Variants in SORCS1 observed in about 807,000 individuals in gnomAD.
SORCS1 encodes sortilin related VPS10 domain containing receptor 1.
A neutral mutation model predicts 146.1 loss-of-function variants in SORCS1; 60 were observed. The observed-to-expected ratio is 0.41, with a 90% confidence interval of 0.33 to 0.51. The LOEUF (loss-of-function observed/expected upper bound fraction) is 0.51. SORCS1 is among the 20% of genes least tolerant of loss of function. The pLI, the probability that SORCS1 is intolerant of heterozygous loss-of-function variation, is 0.21. For synonymous variants in SORCS1, 637 were observed against 584.0 expected (o/e 1.09, Z -1.31); for missense variants, 1,352 against 1,487.6 (o/e 0.91, Z 1.50).
chr10:106,905,336 C>A (rs931303730), intron 2 of SORCS1, among the ~76,000 whole-genome samples: 8 of 151,922 alleles, frequency 5.3e-5, no homozygotes, highest in African/African-American at 1.7e-4. Context: ...TAAATAGATT[C>A]CTCTTTTCAA....
chr10:106,667,416 T>C (rs2135434135), intron 17 of SORCS1: 1 of 351,498 alleles, frequency 2.8e-6, no homozygotes, highest in East Asian at 4.6e-5. Flanking sequence ...GAAAACAAAG[T>C]GTCGAGAAAA....
chr10:106,574,573 T>C lies in SORCS1; in HGVS notation c.*2847A>G, dbSNP rs1176769374. ...CACTGGGAGGGCTTGTTAAAATAGG[T>C]GGCTGGGCCCACTGTCACTTAGCAA... On this transcript the variant is annotated 3_prime_UTR_variant, in exon 26 of 26. Coordinates refer to ENST00000263054, the MANE Select transcript of SORCS1 (RefSeq NM_052918.5). 6.6e-6 allele frequency: 1 copy of C among 152,578 alleles called. No homozygotes were observed. The highest frequency in any genetic ancestry group is 2.4e-5 in the African/African-American group (1 of 41,428). The allele number at this position is 152,578 out of a possible 1,614,324, so 9.5% of individuals were successfully genotyped here.
At chr10:106,705,256 T>C (rs1028641888) in intron 8 of SORCS1, among the ~76,000 whole-genome samples, 2 of 152,206 alleles carry the variant, frequency 1.3e-5, no homozygotes, top group Non-Finnish European at 2.9e-5. Flanking sequence ...TCTTTCAAGT[T>C]AATAGTGCAA....
At chr10:106,929,999 C>A (rs1953315131) in intron 2 of SORCS1, among the ~76,000 whole-genome samples, 1 of 152,214 alleles carries the variant, frequency 6.6e-6, no homozygotes, top group African/African-American at 2.4e-5. Flanking sequence ...GTAATCCCAG[C>A]AGTTTGGGAG....
chr10:106,614,756 G>A (rs1450966619), intron 21 of SORCS1, among the ~76,000 whole-genome samples: 1 of 152,188 alleles, frequency 6.6e-6, no homozygotes. Flanking sequence ...GCATGGCAGG[G>A]AGGCAGAATG....
chr10:106,788,869 T>G (rs1946183698), intron 3 of SORCS1, among the ~76,000 whole-genome samples: 1 of 152,208 alleles, frequency 6.6e-6, no homozygotes, highest in Non-Finnish European at 1.5e-5. Context: ...GGGCACTCTG[T>G]GTGGGGGCAC....
At chr10:106,666,050 C>G (rs966995345) in intron 17 of SORCS1, among the ~76,000 whole-genome samples, 7 of 152,150 alleles carry the variant, frequency 4.6e-5, no homozygotes, top group African/African-American at 1.7e-4. Context: ...CCATGTTAGC[C>G]AGGATGGTCT....
chr10:107,134,420 C>G (rs1363525778), intron 1 of SORCS1, among the ~76,000 whole-genome samples: 2 of 152,108 alleles, frequency 1.3e-5, no homozygotes, highest in East Asian at 3.9e-4. Flanking sequence ...GGATGGATCA[C>G]GAGGTCAGGA....
At chr10:106,602,241 G>A (rs1846284927) in intron 23 of SORCS1, among the ~76,000 whole-genome samples, 1 of 152,138 alleles carries the variant, frequency 6.6e-6, no homozygotes. Context: ...AAGGTGGTAG[G>A]ATGAATGCAA....
chr10:106,830,563 C>CTT (rs1449930917), intron 2 of SORCS1, among the ~76,000 whole-genome samples: 2 of 134,852 alleles, frequency 1.5e-5, no homozygotes, highest in Non-Finnish European at 1.6e-5. Context: ...TATACCTCAG[C>CTT]TTTTTTTTTT....
At chr10:106,598,111 G>C (rs1846014090) in intron 23 of SORCS1, among the ~76,000 whole-genome samples, 1 of 152,038 alleles carries the variant, frequency 6.6e-6, no homozygotes, top group Admixed American at 6.6e-5. Flanking sequence ...ATAGTGTAAG[G>C]TAAGGTTTTA....
chr10:106,707,882 A>G (rs923585272), intron 7 of SORCS1, among the ~76,000 whole-genome samples: 5 of 152,182 alleles, frequency 3.3e-5, no homozygotes, highest in African/African-American at 1.2e-4. Flanking sequence ...GAGTCTGCAT[A>G]CTCAGAATGT....
intron 8 of SORCS1, among the ~76,000 whole-genome samples, chr10:106,702,363 T>C (rs952594907): frequency 2.0e-5 from 3 of 152,200 alleles, no homozygotes; most frequent in Admixed American, 2.0e-4. Context: ...CATAGCTAAT[T>C]CCCACTTCTG....
chr10:107,107,135 C>G (rs1030295293), intron 1 of SORCS1, among the ~76,000 whole-genome samples: 1 of 152,192 alleles, frequency 6.6e-6, no homozygotes, highest in East Asian at 1.9e-4. Context: ...GACTTTGAAA[C>G]TGGGCAATGG....
rs1849921463 is a variant in SORCS1, at chr10:106,652,267, T to G, written c.2475+115A>C. The G allele has an allele frequency of 3.2e-5, 37 of 1,149,820 alleles. No individual in the cohort carries two copies. In the South Asian group the frequency reaches 7.7e-4, roughly 24 times the overall value. 71.2% of individuals were successfully genotyped at this position (1,149,820 alleles called of 1,614,324 possible). A position where few individuals can be genotyped will look rare whatever the true frequency, so the allele number is the denominator to read the frequency against. ...AAGGAACTAAAAGTAAAATAAAAAT[T>G]TTTAAATAGCATCTAAAATGGAGAA... On this transcript the variant is annotated intron_variant, in intron 18 of 25. Transcript: ENST00000263054.
rs1484273912 is a variant in SORCS1, at chr10:107,134,902, C to G, written c.558+29067G>C. ...GGCTTTGCCTGTGATAAGAAACACA[C>G]AAGGAAGAGATTTGGAAAGGAGAAA... is the stretch of plus-strand genomic sequence containing the variant. On this transcript the variant is annotated intron_variant, in intron 1 of 25. Coordinates refer to ENST00000263054, the MANE Select transcript of SORCS1 (RefSeq NM_052918.5). Among the ~76,000 whole-genome samples the G allele has an allele frequency of 2.0e-5, 3 of 152,224 alleles. No individual in the cohort carries two copies. In the South Asian group the frequency reaches 6.2e-4, roughly 32 times the overall value.
intron 2 of SORCS1, among the ~76,000 whole-genome samples, chr10:106,937,723 G>C (rs573561597): frequency 2.0e-5 from 3 of 152,066 alleles, no homozygotes; most frequent in South Asian, 2.1e-4. Flanking sequence ...CAGCACTTTG[G>C]GGGGCTGAGG....
At chr10:107,067,534 G>A (rs1216117538) in intron 1 of SORCS1, among the ~76,000 whole-genome samples, 1 of 152,176 alleles carries the variant, frequency 6.6e-6, no homozygotes, top group African/African-American at 2.4e-5. Context: ...ATATTGATAA[G>A]ATATAGGGAA....
chr10:107,174,375 T>G, the SORCS1 span, among the ~76,000 whole-genome samples: 1 of 152,002 alleles, frequency 6.6e-6, no homozygotes, highest in Admixed American at 6.5e-5. Flanking sequence ...CCGGCTAATT[T>G]TTTGTATTTT....
Sources: gnomAD v4.1 joint callset for allele counts (sites outside exome capture counted in the v4.1 genomes callset) on GRCh38, gnomAD v4.1.1 for gene constraint, MANE v1.5 for transcripts, NCBI Gene and HGNC (gene_info 2026-07-23, HGNC 2026-07-21) for gene names.